Variants in SLC25A21 observed in about 807,000 individuals in gnomAD.
SLC25A21 encodes the protein mitochondrial 2-oxodicarboxylate carrier.
In SLC25A21, 47 loss-of-function variants were observed where a neutral mutation model predicts 43.8. The ratio of observed to expected loss-of-function variants is 1.07; its 90% CI spans 0.85 to 1.37. The LOEUF (loss-of-function observed/expected upper bound fraction) is 1.37. Among genes scored for constraint, SLC25A21 ranks in the 40% most tolerant of loss-of-function variants. The pLI is 0.00. For synonymous variants in SLC25A21, 131 were observed against 121.3 expected (o/e 1.08, Z -0.52); for missense variants, 352 against 350.2 (o/e 1.00, Z -0.04).
chr14:37,041,223 C>G (rs541922872), intron 1 of SLC25A21, among the ~76,000 whole-genome samples: 2 of 152,198 alleles, frequency 1.3e-5, no homozygotes, highest in South Asian at 4.2e-4. Context: ...GGGGATGTGC[C>G]TTAAACTTTC....
At chr14:36,857,556 T>A (rs1285412054) in intron 2 of SLC25A21, among the ~76,000 whole-genome samples, 1 of 152,262 alleles carries the variant, frequency 6.6e-6, no homozygotes, top group Non-Finnish European at 1.5e-5. Flanking sequence ...TATCACTAAA[T>A]GACCAGTGAA....
At chr14:36,846,959 G>C (rs1889564292) in intron 2 of SLC25A21, among the ~76,000 whole-genome samples, 1 of 152,172 alleles carries the variant, frequency 6.6e-6, no homozygotes, top group South Asian at 2.1e-4. Flanking sequence ...GTTTGTGGAA[G>C]ACTCATTTGG....
chr14:37,097,384 G>A (rs1244765124), intron 1 of SLC25A21, among the ~76,000 whole-genome samples: 1 of 152,174 alleles, frequency 6.6e-6, no homozygotes, highest in Middle Eastern at 3.4e-3. Flanking sequence ...TACAATGTGA[G>A]CCACCGCACT....
chr14:36,691,369 A>G (rs906368121), intron 7 of SLC25A21, among the ~76,000 whole-genome samples: 3 of 152,236 alleles, frequency 2.0e-5, no homozygotes, highest in Non-Finnish European at 4.4e-5. Context: ...TGGGTCACAT[A>G]TAAATTATGT....
chr14:36,819,410 G>A (rs1594616176), intron 2 of SLC25A21, among the ~76,000 whole-genome samples: 1 of 151,926 alleles, frequency 6.6e-6, no homozygotes, highest in East Asian at 1.9e-4. Flanking sequence ...AATTAGCTGA[G>A]AATCATGACT....
intron 3 of SLC25A21, chr14:36,808,736 T>C (rs1296904014): frequency 1.3e-5 from 2 of 152,164 alleles, no homozygotes; most frequent in African/African-American, 4.8e-5. Context: ...GCTGTGTTGA[T>C]AAAAATTTAT....
chr14:37,147,844 C>CTTTTTTTTTTT (rs61239254), intron 1 of SLC25A21, among the ~76,000 whole-genome samples: 1 of 126,250 alleles, frequency 7.9e-6, no homozygotes, highest in Non-Finnish European at 1.6e-5. Flanking sequence ...TTTTTCTTTT[C>CTTTTTTTTTTT]TTTTTTTTTT....
At chr14:36,973,263 T>C (rs1959794079) in intron 1 of SLC25A21, among the ~76,000 whole-genome samples, 1 of 151,794 alleles carries the variant, frequency 6.6e-6, no homozygotes, top group Non-Finnish European at 1.5e-5. Context: ...GTGGCAACTG[T>C]AGTAGGGGGA....
Position 36,799,967 on chromosome 14 carries a change from C to T in SLC25A21, c.203+13951G>A, listed in dbSNP as rs138075273. On this transcript the variant is annotated intron_variant, in intron 3 of 9. Coordinates refer to ENST00000331299, the MANE Select transcript of SLC25A21 (RefSeq NM_030631.4). Reference sequence around the variant, plus strand: ...AAGTACAATATTGAGTACCTACCAGCGAACACTAGAAGGATAAAACATTGA... The same window carrying T: ...AAGTACAATATTGAGTACCTACCAGTGAACACTAGAAGGATAAAACATTGA... 3.7e-3 allele frequency among the ~76,000 whole-genome samples: 556 copies of T among 152,226 alleles called. 2 individuals are homozygous for T. The highest frequency in any genetic ancestry group is 9.0e-3 in the African/African-American group (373 of 41,542).
chr14:36,803,092 A>T (rs1370519014), intron 3 of SLC25A21, among the ~76,000 whole-genome samples: 2 of 152,176 alleles, frequency 1.3e-5, no homozygotes, highest in Non-Finnish European at 2.9e-5. Context: ...TTTAATTATC[A>T]GCATTTTTTC....
chr14:36,760,331 A>AAG (rs1886096467), intron 3 of SLC25A21, among the ~76,000 whole-genome samples: 1 of 136,654 alleles, frequency 7.3e-6, no homozygotes, highest in African/African-American at 2.8e-5. Context: ...GCAGCTAGGC[A>AAG]GAAGGAAGGA....
At chr14:36,971,342 G>C (rs1959743958) in intron 1 of SLC25A21, among the ~76,000 whole-genome samples, 1 of 152,130 alleles carries the variant, frequency 6.6e-6, no homozygotes, top group African/African-American at 2.4e-5. Flanking sequence ...ATAGGAAAAA[G>C]CTACCTGGAA....
chr14:36,714,674 T>G, intron 6 of SLC25A21, among the ~76,000 whole-genome samples: 1 of 152,240 alleles, frequency 6.6e-6, no homozygotes, highest in East Asian at 1.9e-4. Context: ...ACACAGGAAG[T>G]GCTCAACACC....
At chr14:36,914,111 A>C (rs1566734357) in intron 1 of SLC25A21, among the ~76,000 whole-genome samples, 1 of 152,226 alleles carries the variant, frequency 6.6e-6, no homozygotes, top group Non-Finnish European at 1.5e-5. Context: ...AACAAGAACA[A>C]ATGAATATAA....
chr14:37,029,758 C>CTTT (rs57538608), intron 1 of SLC25A21, among the ~76,000 whole-genome samples: 75 of 106,250 alleles, frequency 7.1e-4, no homozygotes, highest in East Asian at 1.7e-3. Context: ...TAATAGCCGA[C>CTTT]TTTTTTTTTT....
At chr14:37,062,377 G>A (rs986035858) in intron 1 of SLC25A21, among the ~76,000 whole-genome samples, 2 of 152,112 alleles carry the variant, frequency 1.3e-5, no homozygotes, top group African/African-American at 4.8e-5. Context: ...ATCATGCTGA[G>A]ATTGTAATTC....
chr14:36,724,196 A>AT (rs1884491124), intron 6 of SLC25A21, among the ~76,000 whole-genome samples: 2 of 152,252 alleles, frequency 1.3e-5, no homozygotes, highest in Non-Finnish European at 2.9e-5. Context: ...ACTGTATTTA[A>AT]GACAATCTTT....
chr14:37,143,329 C>T (rs1333658405), intron 1 of SLC25A21, among the ~76,000 whole-genome samples: 1 of 152,196 alleles, frequency 6.6e-6, no homozygotes, highest in South Asian at 2.1e-4. Context: ...GCTAACTGCT[C>T]CCACCCTTTC....
At chr14:37,162,240 T>G (rs760020572) in intron 1 of SLC25A21, among the ~76,000 whole-genome samples, 1 of 152,322 alleles carries the variant, frequency 6.6e-6, no homozygotes, top group East Asian at 1.9e-4. Context: ...TGGTAGTTTC[T>G]TTTGCTGTGC....
Sources: allele counts gnomAD v4.1 joint callset (sites outside exome capture counted in the v4.1 genomes callset), GRCh38; gene constraint gnomAD v4.1.1; transcripts MANE v1.5; gene names NCBI Gene and HGNC (gene_info 2026-07-23, HGNC 2026-07-21).